Variants in SVEP1 observed in about 807,000 individuals in gnomAD.
The protein encoded by SVEP1 is sushi, von Willebrand factor type A, EGF and pentraxin domain-containing protein 1.
Under a neutral mutation model 367.3 loss-of-function variants are expected in SVEP1, and 164 were observed. The observed-to-expected ratio is 0.45, with a 90% CI of 0.39 to 0.51. SVEP1 has a LOEUF of 0.51. Among genes scored for constraint, SVEP1 ranks in the 20% least tolerant of loss-of-function variants. The pLI is 0.00. For synonymous variants in SVEP1, 1,666 were observed against 1,611.6 expected (o/e 1.03, Z -0.81); for missense variants, 4,117 against 4,425.3 (o/e 0.93, Z 1.98).
At chr9:110,431,717 TG>T (rs1405014064) in intron 32 of SVEP1, among the ~76,000 whole-genome samples, 197 bp downstream of exon 32, 1 of 152,196 alleles carries the variant, frequency 6.6e-6, no homozygotes, top group East Asian at 1.9e-4. Context: ...ATTGGGAAGT[TG>T]GGGGAGGCAC....
intron 44 of SVEP1, among the ~76,000 whole-genome samples, chr9:110,378,271 C>G (rs376386803): frequency 6.6e-6 from 1 of 152,096 alleles, no homozygotes; most frequent in African/African-American, 2.4e-5. Flanking sequence ...AGATGTCCCC[C>G]CTCAAAAGGC....
chr9:110,479,168 T>C (rs1829146564), intron 13 of SVEP1, among the ~76,000 whole-genome samples: 3 of 152,144 alleles, frequency 2.0e-5, no homozygotes, highest in African/African-American at 2.4e-5. Flanking sequence ...TCCACTCTCC[T>C]TGGCCTCCCA....
Position 110,430,460 on chromosome 9 carries a change from G to C in SVEP1, c.5354-10C>G, listed in dbSNP as rs745993980. ...TTACATTTTATAGGTTCTAGAAACA[G>C]ACAGTTTTGGTGGAATAATAAGTGG... is the stretch of plus-strand genomic sequence containing the variant. On this transcript the variant is annotated splice_polypyrimidine_tract_variant and intron_variant, in intron 32 of 47. Transcript: ENST00000374469. 3 of 1,601,564 alleles carry C rather than the reference G, an allele frequency of 1.9e-6. No homozygotes were observed. The highest frequency in any genetic ancestry group is 2.6e-6 in the Non-Finnish European group (3 of 1,173,198).
At chr9:110,544,226 C>T (rs1416552268) in intron 3 of SVEP1, among the ~76,000 whole-genome samples, 1 of 152,124 alleles carries the variant, frequency 6.6e-6, no homozygotes, top group Admixed American at 6.6e-5. Flanking sequence ...GGAGAGCAGA[C>T]CCATCTACAA....
chr9:110,424,567 A>T (rs1182095701), intron 36 of SVEP1, among the ~76,000 whole-genome samples: 1 of 152,232 alleles, frequency 6.6e-6, no homozygotes, highest in Non-Finnish European at 1.5e-5. Context: ...TGTTTCTTTT[A>T]TAAATAGAGA....
chr9:110,527,850 C>T (rs1236332667), intron 3 of SVEP1, among the ~76,000 whole-genome samples: 4 of 151,472 alleles, frequency 2.6e-5, no homozygotes, highest in Non-Finnish European at 4.4e-5. Flanking sequence ...ATCCCTCACT[C>T]CCCTCCCACT....
chr9:110,574,666 T>C (rs1830603654), intron 1 of SVEP1, among the ~76,000 whole-genome samples: 1 of 152,064 alleles, frequency 6.6e-6, no homozygotes, highest in Admixed American at 6.5e-5. Flanking sequence ...CTAAGAATGC[T>C]CATCAGAGGC....
intron 5 of SVEP1, 35 bp from the exon 6 acceptor site, chr9:110,503,252 C>T (rs1470098591): frequency 3.2e-5 from 51 of 1,575,060 alleles, no homozygotes; most frequent in Non-Finnish European, 4.3e-5. Context: ...TCACATTTTG[C>T]TAAATAAGGA....
intron 1 of SVEP1, among the ~76,000 whole-genome samples, chr9:110,561,566 T>C (rs1830427996): frequency 6.6e-6 from 1 of 152,204 alleles, no homozygotes; most frequent in African/African-American, 2.4e-5. Context: ...GTAAATTCTA[T>C]CCTGCAATCA....
chr9:110,481,265 G>T lies in SVEP1; in HGVS notation c.2342C>A (p.Thr781Asn). The T allele has an allele frequency of 6.3e-7, 1 of 1,598,410 alleles. No individual in the cohort carries two copies. The highest frequency in any genetic ancestry group is 8.5e-7 in the Non-Finnish European group (1 of 1,171,802). The change falls in exon 12 of 48, where the codon ACC (threonine) becomes AAC (asparagine). Residue 781 changes from threonine to asparagine, a missense_variant. Around this residue, in one of 4 missense-constraint regions of SVEP1, gnomAD observed 2,174 missense variants for 2,494.3 expected, o/e 0.87. Transcript: ENST00000374469. ...YEDGVWKPTYTTEWPDCAKKR... is the reference protein window; with the variant it reads ...YEDGVWKPTYNTEWPDCAKKR... The stretch of plus-strand genomic sequence containing the variant: ...ACTGGCACAGTCTGGCCATTCAGTG[G>T]TATATGTTGGTTTCCAGACGCCATC...
At chr9:110,501,526 G>T (rs966307277) in intron 6 of SVEP1, among the ~76,000 whole-genome samples, 1 of 151,862 alleles carries the variant, frequency 6.6e-6, no homozygotes, top group South Asian at 2.1e-4. Flanking sequence ...CAGGCTTGTA[G>T]TCTACAAATG....
At chr9:110,540,896 C>T (rs970314565) in intron 3 of SVEP1, among the ~76,000 whole-genome samples, 1 of 152,098 alleles carries the variant, frequency 6.6e-6, no homozygotes, top group Non-Finnish European at 1.5e-5. Flanking sequence ...GAAGCCACCG[C>T]CTTGGCTACA....
At chr9:110,449,228 GACA>G (rs1828653348) in intron 24 of SVEP1, among the ~76,000 whole-genome samples, 1 of 152,098 alleles carries the variant, frequency 6.6e-6, no homozygotes, top group African/African-American at 2.4e-5. Flanking sequence ...GCCTCAGGGA[GACA>G]TAGTCTTTCT....
intron 16 of SVEP1, among the ~76,000 whole-genome samples, chr9:110,470,348 A>G (rs1244229986): frequency 6.6e-6 from 1 of 152,084 alleles, no homozygotes; most frequent in Non-Finnish European, 1.5e-5. Context: ...ATTTTATGTT[A>G]CGTGAACTTC....
chr9:110,574,665 C>T (rs1055401257), intron 1 of SVEP1, among the ~76,000 whole-genome samples: 2 of 151,790 alleles, frequency 1.3e-5, no homozygotes, highest in African/African-American at 4.8e-5. Flanking sequence ...CCTAAGAATG[C>T]TCATCAGAGG....
chr9:110,377,684 C>A lies in SVEP1; in HGVS notation c.10409-318G>T, dbSNP rs551591436. Among the ~76,000 whole-genome samples, 3 of 152,262 alleles carry A rather than the reference C, an allele frequency of 2.0e-5. No individual in the cohort carries two copies. The South Asian group carries it at 6.2e-4, about 32-fold the overall frequency. On this transcript the variant is annotated intron_variant, in intron 44 of 47. Transcript: ENST00000374469. The stretch of plus-strand genomic sequence containing the variant: ...CAATGGAGCTAATTAGCACATTCAT[C>A]CCCTCACATAGTTATTGTTTTCTTT...
intron 36 of SVEP1, among the ~76,000 whole-genome samples, chr9:110,425,355 A>T (rs1016438619): frequency 6.6e-6 from 1 of 152,216 alleles, no homozygotes; most frequent in African/African-American, 2.4e-5. Flanking sequence ...CATATATATA[A>T]CACACTTTTA....
chr9:110,455,790 A>C, intron 21 of SVEP1, 87 bp from the exon 22 acceptor site: 1 of 1,053,888 alleles, frequency 9.5e-7, no homozygotes, highest in Non-Finnish European at 1.3e-6. Context: ...AATTATCTCA[A>C]TAATCAGAAT....
At chr9:110,482,266 T>G (rs2118705053) in intron 11 of SVEP1, 95 bp downstream of exon 11, 1 of 1,316,390 alleles carries the variant, frequency 7.6e-7, no homozygotes, top group East Asian at 2.6e-5. Context: ...AAAAATCTAA[T>G]GCTCATAGCC....
Sources: gnomAD v4.1 joint callset for allele counts (sites outside exome capture counted in the v4.1 genomes callset) on GRCh38, gnomAD v4.1.1 for gene constraint, gnomAD v4.1.1 regional missense constraint, MANE v1.5 for transcripts, NCBI Gene and HGNC (gene_info 2026-07-23, HGNC 2026-07-21) for gene names.